The following ACTR3C variants were observed in gnomAD, a reference collection of about 807,000 sequenced individuals.
ACTR3C encodes the protein actin-related protein 3C.
ACTR3C carries 18 observed loss-of-function variants against 26.3 expected under a neutral mutation model. The ratio of observed to expected loss-of-function variants is 0.68; its 90% CI spans 0.47 to 1.01. The LOEUF is 1.01. Ranked by LOEUF, ACTR3C falls within the 50% of genes least tolerant of loss-of-function variation. ACTR3C has a pLI of 0.00. For synonymous variants in ACTR3C, 55 were observed against 94.5 expected, an observed-to-expected ratio of 0.58 and a Z score of 2.42; for missense variants, 184 against 250.7, an observed-to-expected ratio of 0.73 and a Z score of 1.80.
chr7:150,240,370 T>G (rs1832111902), downstream of ACTR3C, among the ~76,000 whole-genome samples: 1 of 152,190 alleles, frequency 6.6e-6, no homozygotes, highest in African/African-American at 2.4e-5. Flanking sequence ...GAATGCTCAT[T>G]ACAGCATTGC....
chr7:149,884,335 G>A, the ACTR3C span, among the ~76,000 whole-genome samples: 1 of 152,132 alleles, frequency 6.6e-6, no homozygotes, highest in Non-Finnish European at 1.5e-5. Context: ...ATCTAAATAC[G>A]AATCTCTCAT....
At chr7:150,273,375 T>C (rs1834599557) in intron 6 of ACTR3C, among the ~76,000 whole-genome samples, 1 of 148,944 alleles carries the variant, frequency 6.7e-6, no homozygotes, top group Non-Finnish European at 1.5e-5. Flanking sequence ...CCTTCTGGGC[T>C]CAAGGGATCC....
the ACTR3C span, among the ~76,000 whole-genome samples, chr7:149,890,190 T>C: frequency 6.6e-6 from 1 of 152,234 alleles, no homozygotes; most frequent in South Asian, 2.1e-4. Context: ...TGTACTTGCA[T>C]GAAAAAAAAT....
chr7:150,271,360 G>A (rs1331243806), intron 6 of ACTR3C, among the ~76,000 whole-genome samples: 1 of 150,194 alleles, frequency 6.7e-6, no homozygotes, highest in Non-Finnish European at 1.5e-5. Context: ...AACAGGCCCG[G>A]ATGTGTGGTG....
chr7:150,125,154 C>G, the ACTR3C span, among the ~76,000 whole-genome samples: 1 of 151,198 alleles, frequency 6.6e-6, no homozygotes, highest in Non-Finnish European at 1.5e-5. Flanking sequence ...GATATTAAGC[C>G]AAAGTAATAA....
chr7:150,148,930 G>T, the ACTR3C span, among the ~76,000 whole-genome samples: 1 of 151,268 alleles, frequency 6.6e-6, no homozygotes, highest in Admixed American at 6.6e-5. Context: ...AATTTCCAGG[G>T]GTTAATCCAG....
chr7:150,025,608 G>A, the ACTR3C span, among the ~76,000 whole-genome samples: 41,832 of 151,806 alleles, frequency 0.28, 5,987 homozygotes, highest in East Asian at 0.45. Context: ...TAAAATATGG[G>A]CACAAACAGG....
chr7:150,306,658 A>C (rs1448314696), intron 1 of ACTR3C, among the ~76,000 whole-genome samples: 1 of 152,192 alleles, frequency 6.6e-6, no homozygotes, highest in Non-Finnish European at 1.5e-5. Flanking sequence ...GCCAGCTTGG[A>C]CAACACAGCG....
the ACTR3C span, among the ~76,000 whole-genome samples, chr7:150,163,047 G>A: frequency 1.8e-4 from 28 of 152,062 alleles, no homozygotes; most frequent in East Asian, 1.6e-3. Context: ...CCAGCTACTC[G>A]GGAGGCTGAG....
At chr7:150,096,571 C>T in the ACTR3C span, among the ~76,000 whole-genome samples, 1 of 151,796 alleles carries the variant, frequency 6.6e-6, no homozygotes, top group African/African-American at 2.4e-5. Context: ...CATGCTTCTA[C>T]TACAGCTACC....
intron 3 of ACTR3C, among the ~76,000 whole-genome samples, chr7:150,292,930 G>A (rs1836391802): frequency 6.6e-6 from 1 of 152,230 alleles, no homozygotes; most frequent in Non-Finnish European, 1.5e-5. Context: ...ATCCAAAACG[G>A]TGTCTATCTC....
the ACTR3C span, among the ~76,000 whole-genome samples, chr7:150,185,731 A>G: frequency 6.6e-6 from 1 of 151,782 alleles, no homozygotes; most frequent in Non-Finnish European, 1.5e-5. Flanking sequence ...CACAGGGAAA[A>G]CTATTCTCCT....
intron 1 of ACTR3C, among the ~76,000 whole-genome samples, chr7:150,309,720 C>T (rs192139565): frequency 3.3e-5 from 5 of 152,312 alleles, no homozygotes; most frequent in Non-Finnish European, 5.9e-5. Flanking sequence ...CACTGGAAAT[C>T]GGACTGTCCA....
chr7:149,891,124 C>T, the ACTR3C span: 1 of 539,510 alleles, frequency 1.9e-6, no homozygotes, highest in Non-Finnish European at 3.4e-6. Flanking sequence ...AAAAGAATAT[C>T]TTCAGTTTAA....
chr7:150,057,293 T>C, the ACTR3C span, among the ~76,000 whole-genome samples: 11 of 150,592 alleles, frequency 7.3e-5, no homozygotes, highest in Admixed American at 4.6e-4. Context: ...TTTTTTTTTT[T>C]TTTTGAGATG....
chr7:150,276,638 A>G (rs1270516867), intron 6 of ACTR3C, among the ~76,000 whole-genome samples: 1 of 152,202 alleles, frequency 6.6e-6, no homozygotes, highest in Admixed American at 6.5e-5. Context: ...ATAACAATTA[A>G]TGGCAAATTT....
chr7:150,091,754 G>T, the ACTR3C span, among the ~76,000 whole-genome samples: 1 of 147,346 alleles, frequency 6.8e-6, no homozygotes, highest in Non-Finnish European at 1.5e-5. Context: ...AGGCCGAGGC[G>T]GGCGGATCAC....
chr7:150,160,588 T>A, the ACTR3C span, among the ~76,000 whole-genome samples: 2 of 152,202 alleles, frequency 1.3e-5, no homozygotes, highest in Non-Finnish European at 2.9e-5. Flanking sequence ...TGTACAGGAA[T>A]GATGAGACAT....
At chr7:149,984,810 C>G in the ACTR3C span, among the ~76,000 whole-genome samples, 1 of 152,008 alleles carries the variant, frequency 6.6e-6, no homozygotes, top group Admixed American at 6.6e-5. Context: ...TCCACTCCAG[C>G]CAACATGTAA....
Sources: gnomAD v4.1 joint callset for allele counts (sites outside exome capture counted in the v4.1 genomes callset) on GRCh38, gnomAD v4.1.1 for gene constraint, MANE v1.5 for transcripts, NCBI Gene and HGNC (gene_info 2026-07-23, HGNC 2026-07-21) for gene names.